Variants in LARP1 observed in about 807,000 individuals in gnomAD.
LARP1 encodes la-related protein 1.
Under a neutral mutation model 122.7 loss-of-function variants are expected in LARP1, and 36 were observed. The ratio of observed to expected loss-of-function variants is 0.29; its 90% CI spans 0.22 to 0.39. The LOEUF (loss-of-function observed/expected upper bound fraction) is 0.39. Ranked by LOEUF, LARP1 falls within the 10% of genes least tolerant of loss-of-function variation. The pLI, the probability that LARP1 is intolerant of heterozygous loss-of-function variation, is 1.00. For synonymous variants in LARP1, 539 were observed against 528.7 expected (o/e 1.02, Z -0.27); for missense variants, 1,040 against 1,403.6 (o/e 0.74, Z 4.14).
intron 1 of LARP1, among the ~76,000 whole-genome samples, chr5:154,773,633 C>T (rs1004724319): frequency 6.6e-6 from 1 of 152,254 alleles, no homozygotes; most frequent in Non-Finnish European, 1.5e-5. Flanking sequence ...GCACCCTGAA[C>T]TCCCAGTCCA....
chr5:154,793,910 A>C lies in LARP1; in HGVS notation c.979A>C (p.Ser327Arg). 2.5e-6 allele frequency: 4 copies of C among 1,614,022 alleles called. No individual in the cohort carries two copies. The highest frequency in any genetic ancestry group is 3.4e-6 in the Non-Finnish European group (4 of 1,179,990). ...HDQDETSSVKSDGAGGARASF... is the reference protein window; with the variant it reads ...HDQDETSSVKRDGAGGARASF... ...CCAGGATGAGACATCGAGTGTGAAG[A>C]GTGATGGGGCTGGTGGGGCGCGGGC... The change falls in exon 6 of 19, where the codon AGT becomes CGT. Residue 327 changes from serine (S) to arginine (R), a missense_variant. By Grantham distance (110) the Ser-to-Arg change is moderately radical. This residue lies in a region of LARP1 where 178 missense variants were observed against 178.3 expected (regional missense o/e 1.00). Transcript: ENST00000518297.
At position 154,693,748 on chromosome 5, in the gene LARP1, C is replaced by T. The variant is rs1176305210; in HGVS notation, c.-180+10711C>T. Among the ~76,000 whole-genome samples the T allele has an allele frequency of 2.0e-5, 3 of 151,044 alleles. No individual in the cohort carries two copies. The Admixed American group carries it at 2.0e-4, about 10-fold the overall frequency. ...GCGGGCTCCTGTAGTCCCAGCTACG[C>T]GGGAGGCTGAGGCAGGAGAACGGCG... On this transcript the variant is annotated intron_variant, in intron 1 of 18. Transcript: ENST00000687700.
chr5:154,701,653 G>T (rs1582161418), intron 1 of LARP1, among the ~76,000 whole-genome samples: 1 of 147,120 alleles, frequency 6.8e-6, no homozygotes, highest in Admixed American at 6.9e-5. Context: ...ACAGAGTCTC[G>T]CACTGTTGCC....
chr5:154,777,848 AT>A (rs1366663591), intron 1 of LARP1, among the ~76,000 whole-genome samples: 5 of 152,314 alleles, frequency 3.3e-5, no homozygotes, highest in East Asian at 1.9e-4. Context: ...AATTAAAAAA[AT>A]ATATATAATA....
chr5:154,763,054 C>G (rs1246958753), intron 1 of LARP1, among the ~76,000 whole-genome samples: 1 of 129,922 alleles, frequency 7.7e-6, no homozygotes, highest in Non-Finnish European at 1.6e-5. Context: ...TGAGCAGATG[C>G]TTTTTTTTTT....
At chr5:154,713,234 G>C in intron 1 of LARP1, 1 of 915,490 alleles carries the variant, frequency 1.1e-6, no homozygotes, top group East Asian at 2.6e-5. Flanking sequence ...TTCCAGCCCT[G>C]CTGTGTGACC....
chr5:154,736,690 T>C (rs1217457713), intron 1 of LARP1, among the ~76,000 whole-genome samples: 1 of 151,122 alleles, frequency 6.6e-6, no homozygotes, highest in African/African-American at 2.4e-5. Flanking sequence ...CTTAGACTGC[T>C]GAGTAGCTGG....
At chr5:154,756,898 G>C (rs1170143488) in intron 1 of LARP1, among the ~76,000 whole-genome samples, 2 of 151,930 alleles carry the variant, frequency 1.3e-5, no homozygotes, top group African/African-American at 4.8e-5. Context: ...CCAGTTAGGA[G>C]GTTGGCGGAA....
intron 1 of LARP1, among the ~76,000 whole-genome samples, chr5:154,740,829 A>C (rs1290319336): frequency 6.6e-6 from 1 of 152,226 alleles, no homozygotes; most frequent in Non-Finnish European, 1.5e-5. Flanking sequence ...GTTTAAGGCA[A>C]AGGACTGGGC....
At chr5:154,722,512 G>A (rs1173245537) in intron 1 of LARP1, among the ~76,000 whole-genome samples, 2 of 152,046 alleles carry the variant, frequency 1.3e-5, no homozygotes, top group African/African-American at 2.4e-5. Context: ...GAGACCAGCC[G>A]GTAGCACATG....
At chr5:154,782,570 C>G (rs530697085) in intron 1 of LARP1, among the ~76,000 whole-genome samples, 1 of 152,152 alleles carries the variant, frequency 6.6e-6, no homozygotes, top group African/African-American at 2.4e-5. Flanking sequence ...CCTGGCCCAC[C>G]CTTGCTCCTC....
At chr5:154,797,221 G>GGTTTT (rs1757940079) in intron 8 of LARP1, among the ~76,000 whole-genome samples, 1 of 29,748 alleles carries the variant, frequency 3.4e-5, no homozygotes, top group African/African-American at 1.0e-4. Flanking sequence ...TGTTGTTGTT[G>GGTTTT]TTTTTTTTTT....
intron 1 of LARP1, among the ~76,000 whole-genome samples, chr5:154,726,031 G>GA (rs201570331): frequency 0.02 from 3,062 of 152,208 alleles, 102 homozygotes; most frequent in African/African-American, 0.07. Flanking sequence ...GTAGAGACGG[G>GA]TTATCTCCAT....
intron 1 of LARP1, among the ~76,000 whole-genome samples, chr5:154,687,644 G>C (rs1753998634): frequency 6.6e-6 from 1 of 152,208 alleles, no homozygotes; most frequent in African/African-American, 2.4e-5. Flanking sequence ...GCCTCCCAAA[G>C]TGCTGGGATT....
At chr5:154,778,900 ATAAG>A (rs1416799724) in intron 1 of LARP1, among the ~76,000 whole-genome samples, 1 of 152,258 alleles carries the variant, frequency 6.6e-6, no homozygotes, top group Non-Finnish European at 1.5e-5. Flanking sequence ...AATATTTAGT[ATAAG>A]TATGTCCCAG....
chr5:154,756,266 C>T (rs1753887369), intron 1 of LARP1, 73 bp downstream of exon 1: 1 of 1,093,872 alleles, frequency 9.1e-7, no homozygotes, highest in Non-Finnish European at 1.1e-6. Context: ...CCCCCAGCAC[C>T]TCCAGGGCCC....
At chr5:154,716,748 T>A (rs1228938625) in intron 1 of LARP1, among the ~76,000 whole-genome samples, 1 of 150,898 alleles carries the variant, frequency 6.6e-6, no homozygotes, top group African/African-American at 2.4e-5. Flanking sequence ...TGCACCCAGC[T>A]GATGGCAACA....
chr5:154,698,251 A>G (rs970209727), intron 1 of LARP1, among the ~76,000 whole-genome samples: 4 of 152,162 alleles, frequency 2.6e-5, no homozygotes, highest in African/African-American at 9.7e-5. Flanking sequence ...AATATTTATC[A>G]TTTCTTTGTG....
At chr5:154,690,548 G>C (rs1754142861) in intron 1 of LARP1, among the ~76,000 whole-genome samples, 1 of 152,220 alleles carries the variant, frequency 6.6e-6, no homozygotes, top group African/African-American at 2.4e-5. Context: ...CGCACAGCTA[G>C]TGAGTACCAG....
Sources: allele counts gnomAD v4.1 joint callset (sites outside exome capture counted in the v4.1 genomes callset), GRCh38; gene constraint gnomAD v4.1.1; regional missense constraint gnomAD v4.1.1; transcripts MANE v1.5; gene names NCBI Gene and HGNC (gene_info 2026-07-23, HGNC 2026-07-21).